SLC5A8: variants seen among roughly 807,000 people sequenced by gnomAD.
SLC5A8 encodes the protein solute carrier family 5 member 8.
SLC5A8 carries 55 observed loss-of-function variants against 71.9 expected under a neutral mutation model. The observed-to-expected ratio is 0.77, with a 90% CI of 0.62 to 0.96. The LOEUF (loss-of-function observed/expected upper bound fraction) is 0.96. Ranked by LOEUF, SLC5A8 falls within the 40% of genes least tolerant of loss-of-function variation. SLC5A8 has a pLI of 0.00. For synonymous variants in SLC5A8, 307 were observed against 276.1 expected, an observed-to-expected ratio of 1.11 and a Z score of -1.11; for missense variants, 701 against 745.3, an observed-to-expected ratio of 0.94 and a Z score of 0.69.
At chr12:101,158,045 C>T (rs1464391857) in intron 14 of SLC5A8, among the ~76,000 whole-genome samples, 1 of 152,040 alleles carries the variant, frequency 6.6e-6, no homozygotes, top group Non-Finnish European at 1.5e-5. Flanking sequence ...ATAGGTATAG[C>T]GTATCAGAGG....
Position 101,158,225 on chromosome 12 carries a change from CAAGGT to C in SLC5A8, c.1710+19_1710+23del. 6.6e-7 allele frequency: 1 copy of C among 1,504,014 alleles called. No individual in the cohort carries two copies. The highest frequency in any genetic ancestry group is 9.2e-7 in the Non-Finnish European group (1 of 1,088,982). 93.2% of individuals were successfully genotyped at this position (1,504,014 alleles called of 1,614,324 possible). A position where few individuals can be genotyped will look rare whatever the true frequency, so the allele number is the denominator to read the frequency against. ...GGTAATAAAGCCCAGTTTCCTAACT[CAAGGT>C]AAATGAAAGCCAACTCACTTTCTTA... On this transcript the variant is annotated intron_variant, in intron 14 of 14. Coordinates refer to ENST00000536262, the MANE Select transcript of SLC5A8 (RefSeq NM_145913.5).
At chr12:101,177,132 C>A (rs532079896) in intron 10 of SLC5A8, among the ~76,000 whole-genome samples, 4 of 151,974 alleles carry the variant, frequency 2.6e-5, no homozygotes, top group Non-Finnish European at 5.9e-5. Context: ...CTACTATGAA[C>A]AACTATACAT....
At chr12:101,189,238 A>G (rs1868795986) in intron 6 of SLC5A8, among the ~76,000 whole-genome samples, 2 of 152,190 alleles carry the variant, frequency 1.3e-5, no homozygotes, top group Non-Finnish European at 2.9e-5. Context: ...AGACTACTCT[A>G]TCTATAAATT....
intron 5 of SLC5A8, among the ~76,000 whole-genome samples, chr12:101,191,388 T>C (rs1868903887): frequency 6.6e-6 from 1 of 152,240 alleles, no homozygotes; most frequent in Non-Finnish European, 1.5e-5. Flanking sequence ...CTTAAAATTA[T>C]GAAATTTTGC....
chr12:101,167,908 C>T (rs1352566566), intron 11 of SLC5A8, among the ~76,000 whole-genome samples, 188 bp downstream of exon 11: 1 of 152,146 alleles, frequency 6.6e-6, no homozygotes, highest in African/African-American at 2.4e-5. Context: ...TTCCATTGAG[C>T]TTCACACATT....
chr12:101,186,972 A>G (rs959014392), intron 7 of SLC5A8, among the ~76,000 whole-genome samples: 5 of 152,178 alleles, frequency 3.3e-5, no homozygotes, highest in Admixed American at 1.3e-4. Flanking sequence ...TATTGGATCC[A>G]TCTCTCCATC....
chr12:101,182,779 G>A, intron 9 of SLC5A8, 24 bp downstream of exon 9: 7 of 1,499,048 alleles, frequency 4.7e-6, no homozygotes, highest in Non-Finnish European at 6.4e-6. Context: ...GAGCTAAAAT[G>A]GAATTATGAA....
intron 10 of SLC5A8, among the ~76,000 whole-genome samples, chr12:101,173,185 C>T (rs766043177): frequency 3.9e-5 from 6 of 152,166 alleles, no homozygotes; most frequent in Non-Finnish European, 7.4e-5. Context: ...TAAAGATAGC[C>T]GCTGGCTGCT....
intron 4 of SLC5A8, 70 bp downstream of exon 4, chr12:101,195,025 C>A (rs535158046): frequency 5.9e-5 from 89 of 1,507,702 alleles, no homozygotes; most frequent in Non-Finnish European, 8.0e-5. Context: ...TTGCGGTATA[C>A]AACAACTGGA....
chr12:101,158,869 A>T (rs984591119), intron 13 of SLC5A8, among the ~76,000 whole-genome samples: 1 of 151,042 alleles, frequency 6.6e-6, no homozygotes, highest in African/African-American at 2.4e-5. Context: ...GGCAATTCGG[A>T]ACTGCTGAAT....
At chr12:101,208,324 C>CATTAA (rs1869761587) in intron 1 of SLC5A8, among the ~76,000 whole-genome samples, 2 of 152,146 alleles carry the variant, frequency 1.3e-5, no homozygotes, top group African/African-American at 4.8e-5. Context: ...TTTGTTGTGC[C>CATTAA]GTTAAGGCCC....
chr12:101,194,519 G>A (rs144629133), intron 4 of SLC5A8, among the ~76,000 whole-genome samples: 29 of 152,352 alleles, frequency 1.9e-4, no homozygotes, highest in African/African-American at 6.5e-4. Context: ...AAGCGGGAGT[G>A]CGGTGGTGCA....
At chr12:101,174,810 C>T (rs2051864131) in intron 10 of SLC5A8, among the ~76,000 whole-genome samples, 1 of 152,202 alleles carries the variant, frequency 6.6e-6, no homozygotes, top group Non-Finnish European at 1.5e-5. Flanking sequence ...AATGAGGCGG[C>T]ACCCTCCCTT....
chr12:101,189,371 T>C (rs1868802341), intron 6 of SLC5A8, among the ~76,000 whole-genome samples: 1 of 152,210 alleles, frequency 6.6e-6, no homozygotes, highest in Non-Finnish European at 1.5e-5. Context: ...AAGATTTAGG[T>C]AATCTCTAAA....
intron 13 of SLC5A8, among the ~76,000 whole-genome samples, chr12:101,160,821 G>A (rs973314676): frequency 6.6e-6 from 1 of 152,144 alleles, no homozygotes; most frequent in Admixed American, 6.6e-5. Flanking sequence ...AGAAAAAAAC[G>A]AGAAAATTAG....
chr12:101,178,822 T>TAAAAAA (rs3084371), intron 10 of SLC5A8, among the ~76,000 whole-genome samples: 1 of 146,968 alleles, frequency 6.8e-6, no homozygotes, highest in African/African-American at 2.5e-5. Flanking sequence ...TTATCCAAAC[T>TAAAAAA]AAAAAAAAAA....
chr12:101,195,116 G>C lies in SLC5A8; in HGVS notation c.516C>G (p.Val172=). Residue 172 remains valine, a synonymous_variant, in exon 4 of 15, where the codon GTC becomes GTG. Coordinates refer to ENST00000536262, the MANE Select transcript of SLC5A8 (RefSeq NM_145913.5). The part of the protein sequence containing the change: ...LWGAVVATGV[V]CTFYCTLGGL... ...GTACCAGTGTGCAGTAGAATGTGCA[G>C]ACCACCCCCGTTGCCACTACCGCGC... 1.2e-6 allele frequency: 2 copies of C among 1,614,124 alleles called. No individual in the cohort carries two copies. Among genetic ancestry groups the C allele is most frequent in the Non-Finnish European group, 1.7e-6 (2 of 1,180,004 alleles).
chr12:101,202,032 C>T lies in SLC5A8; in HGVS notation c.469+132G>A, dbSNP rs1869475186. The stretch of plus-strand genomic sequence containing the variant: ...TAGTGTAGACACTGAACCCATCCTG[C>T]CCCGCTAAGTAAAGCTGATGCAGGT... On this transcript the variant is annotated intron_variant, in intron 3 of 14. Coordinates refer to ENST00000536262, the MANE Select transcript of SLC5A8 (RefSeq NM_145913.5). 4.6e-6 allele frequency: 4 copies of T among 871,910 alleles called. No individual in the cohort carries two copies. The South Asian group carries it at 6.0e-5, about 13-fold the overall frequency. 54.0% of individuals were successfully genotyped at this position (871,910 alleles called of 1,614,324 possible).
Position 101,162,084 on chromosome 12 carries a change from G to A in SLC5A8, c.1527-7C>T. ...GTTATCCATCAGTGGAGTCCTAAGA[G>A]AGCAAAAACACAACGGTAAGATTTC... On this transcript the variant is annotated splice_region_variant and splice_polypyrimidine_tract_variant and intron_variant, in intron 12 of 14. Transcript: ENST00000536262. 4.4e-6 allele frequency: 7 copies of A among 1,591,948 alleles called. 1 individual carries two copies. The South Asian group carries it at 4.4e-5, about 10-fold the overall frequency.
Sources: gnomAD v4.1 joint callset for allele counts (sites outside exome capture counted in the v4.1 genomes callset) on GRCh38, gnomAD v4.1.1 for gene constraint, MANE v1.5 for transcripts, NCBI Gene and HGNC (gene_info 2026-07-23, HGNC 2026-07-21) for gene names.